The following LMBR1 variants were observed in gnomAD, a reference collection of about 807,000 sequenced individuals.
LMBR1 encodes the protein limb region 1 protein homolog.
In LMBR1, 52 loss-of-function variants were observed where a neutral mutation model predicts 73.9. The observed-to-expected ratio is 0.70, with a 90% CI of 0.56 to 0.89. The LOEUF (loss-of-function observed/expected upper bound fraction) is 0.89. LMBR1 is among the 40% of genes least tolerant of loss of function. The probability of loss-of-function intolerance (pLI) is 0.00; values close to 1 mark genes in which losing one functional copy is unlikely to be tolerated. For missense variants in LMBR1, 539 were observed against 579.8 expected, an observed-to-expected ratio of 0.93 and a Z score of 0.72; for synonymous variants, 215 against 209.4, an observed-to-expected ratio of 1.03 and a Z score of -0.23.
intron 3 of LMBR1, among the ~76,000 whole-genome samples, chr7:156,831,929 G>C (rs897082892): frequency 1.3e-5 from 2 of 152,206 alleles, no homozygotes; most frequent in South Asian, 4.1e-4. Flanking sequence ...TTCACATGGA[G>C]AGAATATCTA....
At chr7:156,718,429 A>G (rs1322380708) in intron 15 of LMBR1, among the ~76,000 whole-genome samples, 1 of 151,394 alleles carries the variant, frequency 6.6e-6, no homozygotes, top group Non-Finnish European at 1.5e-5. Flanking sequence ...AAGAAAAAAA[A>G]AAATACTCAG....
chr7:156,891,897 G>C (rs2134661905), intron 1 of LMBR1, among the ~76,000 whole-genome samples: 1 of 152,216 alleles, frequency 6.6e-6, no homozygotes, highest in South Asian at 2.1e-4. Flanking sequence ...CAATTTTCAA[G>C]ATCAGTGAGT....
intron 1 of LMBR1, among the ~76,000 whole-genome samples, chr7:156,863,562 T>G (rs971697516): frequency 1.3e-5 from 2 of 152,164 alleles, no homozygotes; most frequent in Non-Finnish European, 2.9e-5. Flanking sequence ...CTCGGCAAGG[T>G]AAAATTTGCT....
intron 8 of LMBR1, among the ~76,000 whole-genome samples, chr7:156,760,668 T>C (rs1214895191): frequency 2.0e-5 from 3 of 152,234 alleles, no homozygotes; most frequent in Admixed American, 6.5e-5. Flanking sequence ...ATGTGTGTGG[T>C]ACACAAGTGT....
chr7:156,768,054 C>T (rs914111197), intron 5 of LMBR1, among the ~76,000 whole-genome samples: 7 of 152,062 alleles, frequency 4.6e-5, no homozygotes, highest in East Asian at 1.9e-4. Context: ...GAGTACATAG[C>T]GCTTCATTGT....
At chr7:156,671,765 T>C (rs77416420) in intron 4 of LMBR1, among the ~76,000 whole-genome samples, 1 of 151,000 alleles carries the variant, frequency 6.6e-6, no homozygotes, top group Non-Finnish European at 1.5e-5. Context: ...ACCATCTTTA[T>C]GTCCACGTAC....
intron 5 of LMBR1, among the ~76,000 whole-genome samples, chr7:156,771,729 A>C (rs969320409): frequency 6.6e-6 from 1 of 152,210 alleles, no homozygotes; most frequent in African/African-American, 2.4e-5. Flanking sequence ...TCCCTAACTC[A>C]TTCTATGAGG....
intron 4 of LMBR1, among the ~76,000 whole-genome samples, chr7:156,807,518 T>C (rs1353072365): frequency 6.6e-6 from 1 of 152,026 alleles, no homozygotes; most frequent in East Asian, 1.9e-4. Context: ...CTGTTCAATA[T>C]GTAGTGATGT....
intron 5 of LMBR1, among the ~76,000 whole-genome samples, chr7:156,774,569 C>T (rs1825787620): frequency 6.6e-6 from 1 of 152,166 alleles, no homozygotes. Context: ...AGACAGCTCA[C>T]ACCTGTAATC....
At chr7:156,833,579 A>AGAACCAGTG (rs147267255) in intron 3 of LMBR1, 174 bp downstream of exon 3, 2 of 567,886 alleles carry the variant, frequency 3.5e-6, no homozygotes, top group East Asian at 3.4e-5. Flanking sequence ...CCAATAGGAG[A>AGAACCAGTG]TTGGATTATC....
rs972622968 is a variant in LMBR1 at position 156,670,585 on chromosome 7, C to G, written n.867-1298G>C. On this transcript the variant is annotated intron_variant and non_coding_transcript_variant, in intron 4 of 4. Coordinates refer to the LMBR1 transcript ENST00000430825. The surrounding 1 kb of genome is among the most constrained non-coding windows in gnomAD (Gnocchi z 4.3). ...TTGTTTTAAGTGTCTAGTGAGCCTG[C>G]AGAACACAAAGCACGGAGTCATCTT... Among the ~76,000 whole-genome samples the G allele has an allele frequency of 6.6e-6, 1 of 152,176 alleles. No homozygotes were observed. The highest frequency in any genetic ancestry group is 1.5e-5 in the Non-Finnish European group (1 of 68,040).
In LMBR1 at chr7:156,774,696, G is replaced by C. The variant is rs781530573; in HGVS notation, c.424-10901C>G. Reference sequence around the variant, plus strand: ...AAAATACACAAATTAGCCGGGCGTGGTGGCGGGCACCTGTAGTCCCAGCTA... The same window carrying C: ...AAAATACACAAATTAGCCGGGCGTGCTGGCGGGCACCTGTAGTCCCAGCTA... On this transcript the variant is annotated intron_variant, in intron 5 of 16. Coordinates refer to ENST00000353442, the MANE Select transcript of LMBR1 (RefSeq NM_022458.4). 6.0e-4 allele frequency among the ~76,000 whole-genome samples: 91 copies of C among 152,072 alleles called. 2 individuals are homozygous for C. The highest frequency in any genetic ancestry group is 3.1e-4 in the Non-Finnish European group (21 of 68,016).
downstream of LMBR1, among the ~76,000 whole-genome samples, chr7:156,675,016 G>C (rs150974077): frequency 3.9e-3 from 587 of 152,284 alleles, 10 homozygotes; most frequent in East Asian, 1.5e-3. Context: ...CTGGAGCCCT[G>C]TAAGTTAAGC....
intron 15 of LMBR1, among the ~76,000 whole-genome samples, chr7:156,696,748 T>C (rs1269817309): frequency 7.9e-5 from 12 of 152,154 alleles, no homozygotes; most frequent in African/African-American, 2.4e-4. Context: ...AAGATGAAAT[T>C]TGGGTGGGGA....
At chr7:156,886,565 C>T (rs560286912) in intron 1 of LMBR1, among the ~76,000 whole-genome samples, 2 of 152,222 alleles carry the variant, frequency 1.3e-5, no homozygotes, top group South Asian at 2.1e-4. Context: ...GAGAAAGTTA[C>T]TGAAATCAGT....
chr7:156,775,942 T>C, intron 5 of LMBR1, among the ~76,000 whole-genome samples: 1 of 151,864 alleles, frequency 6.6e-6, no homozygotes, highest in East Asian at 1.9e-4. Context: ...CTTGGGCGAA[T>C]TACTAAGCTT....
intron 1 of LMBR1, among the ~76,000 whole-genome samples, chr7:156,838,557 T>G (rs1480023381): frequency 6.6e-6 from 1 of 152,264 alleles, no homozygotes; most frequent in East Asian, 1.9e-4. Context: ...TTCTTTCTTT[T>G]TTACAGCTGA....
chr7:156,833,917 A>T (rs1837148360), intron 2 of LMBR1, 125 bp from the exon 3 acceptor site: 1 of 630,774 alleles, frequency 1.6e-6, no homozygotes, highest in Non-Finnish European at 2.7e-6. Flanking sequence ...ATTTTCAAAA[A>T]GCACTGTATT....
chr7:156,798,318 T>C (rs1317391496), intron 4 of LMBR1, among the ~76,000 whole-genome samples: 3 of 152,212 alleles, frequency 2.0e-5, no homozygotes, highest in Admixed American at 2.0e-4. Context: ...GTAACAGTGC[T>C]ATCAGCTCCC....
Sources: gnomAD v4.1 joint callset for allele counts (sites outside exome capture counted in the v4.1 genomes callset) on GRCh38, gnomAD v4.1.1 for gene constraint, Gnocchi (gnomAD v3.1) non-coding constraint, MANE v1.5 for transcripts, NCBI Gene and HGNC (gene_info 2026-07-23, HGNC 2026-07-21) for gene names.